SEMA3E: variants seen among roughly 807,000 people sequenced by gnomAD.
SEMA3E encodes semaphorin-3E.
A neutral mutation model predicts 93.6 loss-of-function variants in SEMA3E; 49 were observed. That is an observed-to-expected ratio of 0.52 (90% CI 0.42 to 0.66). The LOEUF is 0.66. Among genes scored for constraint, SEMA3E ranks in the 30% least tolerant of loss-of-function variants. The pLI is 0.00. For missense variants in SEMA3E, 906 were observed against 964.8 expected, an observed-to-expected ratio of 0.94 and a Z score of 0.81; for synonymous variants, 363 against 330.7, an observed-to-expected ratio of 1.10 and a Z score of -1.06.
chr7:83,483,055 A>C (rs1401648394), intron 2 of SEMA3E, among the ~76,000 whole-genome samples: 3 of 152,092 alleles, frequency 2.0e-5, no homozygotes, highest in African/African-American at 7.2e-5. Context: ...AGTGAAAATT[A>C]TGGATCAGGA....
intron 1 of SEMA3E, among the ~76,000 whole-genome samples, chr7:83,531,236 C>T (rs1364897042): frequency 6.9e-6 from 1 of 145,940 alleles, no homozygotes; most frequent in Non-Finnish European, 1.5e-5. Flanking sequence ...TTTATTTCTA[C>T]TTTGTAAGAA....
At chr7:83,465,927 A>G (rs760177437) in intron 4 of SEMA3E, among the ~76,000 whole-genome samples, 3 of 152,154 alleles carry the variant, frequency 2.0e-5, no homozygotes, top group Admixed American at 1.3e-4. Context: ...TTTATTATGC[A>G]GTATCACCTA....
chr7:83,478,238 A>G (rs1383842021), intron 2 of SEMA3E, among the ~76,000 whole-genome samples: 4 of 152,134 alleles, frequency 2.6e-5, no homozygotes, highest in Admixed American at 2.0e-4. Context: ...TTAGCTTTAA[A>G]TTATAGTAGT....
At chr7:83,555,522 G>A (rs57732299) in intron 1 of SEMA3E, among the ~76,000 whole-genome samples, 18,063 of 152,082 alleles carry the variant, frequency 0.12, 1,184 homozygotes, top group East Asian at 0.2. Context: ...ATTCATCTAC[G>A]ACTTTCTCCC....
chr7:83,466,370 G>GC, intron 4 of SEMA3E, 112 bp downstream of exon 4: 1 of 1,278,990 alleles, frequency 7.8e-7, no homozygotes, highest in South Asian at 1.2e-5. Context: ...AACTGATTCA[G>GC]TACATCGCAA....
At chr7:83,593,335 T>TGTGTGTGTGTG (rs1584352393) in intron 1 of SEMA3E, among the ~76,000 whole-genome samples, 1 of 99,360 alleles carries the variant, frequency 1.0e-5, no homozygotes, top group East Asian at 2.5e-4. Flanking sequence ...TGTGTGTGTG[T>TGTGTGTGTGTG]TGGGGAGGGG....
intron 14 of SEMA3E, among the ~76,000 whole-genome samples, chr7:83,390,040 T>TATATACGCGTATGTGTATACGTATACAC (rs1158753031): frequency 2.8e-5 from 4 of 144,794 alleles, no homozygotes; most frequent in Admixed American, 2.8e-4. Flanking sequence ...CGTATACACA[T>TATATACGCGTATGTGTATACGTATACAC]ATATGCGCGT....
intron 1 of SEMA3E, among the ~76,000 whole-genome samples, chr7:83,629,631 C>G (rs185457388): frequency 1.3e-5 from 2 of 152,114 alleles, no homozygotes; most frequent in Non-Finnish European, 2.9e-5. Context: ...TAATGGCAGA[C>G]GCCCCTCCCC....
rs529641618 is a variant in SEMA3E, at chr7:83,582,178, T to G, written c.115+66250A>C. ...ACTAGTAATTTTATTTATATTTAAATAAAATTTAAATGTAAAAATAAAATT... is the reference window on the plus strand; with the variant it reads ...ACTAGTAATTTTATTTATATTTAAAGAAAATTTAAATGTAAAAATAAAATT... On this transcript the variant is annotated intron_variant, in intron 1 of 16. Transcript: ENST00000643230. Among the ~76,000 whole-genome samples the G allele has an allele frequency of 6.7e-5, 10 of 150,136 alleles. No individual in the cohort carries two copies. The South Asian group carries it at 2.1e-3, about 31-fold the overall frequency.
intron 1 of SEMA3E, among the ~76,000 whole-genome samples, chr7:83,635,517 C>T (rs986033816): frequency 6.6e-6 from 1 of 151,130 alleles, no homozygotes; most frequent in Admixed American, 6.6e-5. Context: ...CATTAGTTTA[C>T]AGTTTGTGTT....
intron 4 of SEMA3E, among the ~76,000 whole-genome samples, chr7:83,426,018 A>G (rs548304236): frequency 1.3e-5 from 2 of 152,294 alleles, no homozygotes; most frequent in African/African-American, 2.4e-5. Flanking sequence ...CAAAACCACA[A>G]TGAGATACCA....
intron 16 of SEMA3E, among the ~76,000 whole-genome samples, chr7:83,369,952 A>G (rs1794729048): frequency 1.3e-5 from 2 of 152,176 alleles, no homozygotes; most frequent in Non-Finnish European, 2.9e-5. Flanking sequence ...GCTGCATTTG[A>G]TATGGATGAA....
At chr7:83,418,683 C>T (rs1788608949) in intron 4 of SEMA3E, among the ~76,000 whole-genome samples, 200 bp from the exon 5 acceptor site, 1 of 152,092 alleles carries the variant, frequency 6.6e-6, no homozygotes. Context: ...AGTTCTCTCA[C>T]TCCTCTGAAA....
intron 2 of SEMA3E, among the ~76,000 whole-genome samples, chr7:83,469,610 T>C (rs1050877165): frequency 6.6e-6 from 1 of 152,064 alleles, no homozygotes; most frequent in African/African-American, 2.4e-5. Flanking sequence ...ACCTGAGTGG[T>C]GCTCCAACTC....
intron 2 of SEMA3E, among the ~76,000 whole-genome samples, chr7:83,470,623 C>G (rs900680308): frequency 6.6e-6 from 1 of 152,098 alleles, no homozygotes; most frequent in African/African-American, 2.4e-5. Flanking sequence ...CCCCAGGAGG[C>G]AACTATTGTA....
intron 14 of SEMA3E, among the ~76,000 whole-genome samples, chr7:83,390,557 T>C (rs1787998555): frequency 6.6e-6 from 1 of 152,178 alleles, no homozygotes; most frequent in Non-Finnish European, 1.5e-5. Context: ...CAGAAAAGTA[T>C]TTATTTTAAT....
intron 1 of SEMA3E, among the ~76,000 whole-genome samples, chr7:83,491,638 C>A (rs1366271131): frequency 3.3e-5 from 5 of 151,838 alleles, no homozygotes; most frequent in Non-Finnish European, 7.4e-5. Flanking sequence ...AGGTATAACA[C>A]ATAAGAGGTT....
At chr7:83,579,515 T>C (rs895273714) in intron 1 of SEMA3E, among the ~76,000 whole-genome samples, 11 of 152,068 alleles carry the variant, frequency 7.2e-5, no homozygotes, top group African/African-American at 2.7e-4. Context: ...TGAATAAAAT[T>C]GGCCCACTGA....
At chr7:83,470,239 T>C (rs1789863654) in intron 2 of SEMA3E, among the ~76,000 whole-genome samples, 1 of 152,202 alleles carries the variant, frequency 6.6e-6, no homozygotes, top group African/African-American at 2.4e-5. Context: ...TAATAGTATC[T>C]AGCACTTTCC....
Sources: gnomAD v4.1 joint callset for allele counts (sites outside exome capture counted in the v4.1 genomes callset) on GRCh38, gnomAD v4.1.1 for gene constraint, MANE v1.5 for transcripts, NCBI Gene and HGNC (gene_info 2026-07-23, HGNC 2026-07-21) for gene names.